The following PCDHGA6 variants were observed in gnomAD, a reference collection of about 807,000 sequenced individuals.
PCDHGA6 encodes the protein protocadherin gamma-A6.
A neutral mutation model predicts 60.6 loss-of-function variants in PCDHGA6; 41 were observed. The observed-to-expected ratio is 0.68, with a 90% CI of 0.53 to 0.88. The LOEUF is 0.88. PCDHGA6 is among the 40% of genes least tolerant of loss of function. PCDHGA6 has a pLI of 0.00. For synonymous variants in PCDHGA6, 594 were observed against 524.4 expected (o/e 1.13, Z -1.81); for missense variants, 1,312 against 1,203.0 (o/e 1.09, Z -1.34).
At chr5:141,478,137 G>C (rs762316494) in intron 1 of PCDHGA6, 1 of 1,613,872 alleles carries the variant, frequency 6.2e-7, no homozygotes, top group South Asian at 1.1e-5. Context: ...CCTGAAGCCC[G>C]AGCCGAGTTC....
At chr5:141,507,450 CAG>C (rs940460926) in intron 3 of PCDHGA6, among the ~76,000 whole-genome samples, 3 of 152,168 alleles carry the variant, frequency 2.0e-5, no homozygotes, top group African/African-American at 7.2e-5. Flanking sequence ...GACGGAAGGA[CAG>C]AGAGAGAGGT....
intron 1 of PCDHGA6, chr5:141,384,186 T>A: frequency 6.2e-7 from 1 of 1,613,730 alleles, no homozygotes; most frequent in Non-Finnish European, 8.5e-7. Flanking sequence ...ATGGTGGAAC[T>A]CCTCCCTTGT....
rs140199351 is a variant in PCDHGA6, at chr5:141,465,921, G to C, written c.2425-28886G>C. Among the ~76,000 whole-genome samples, 1,515 of 152,146 alleles carry C rather than the reference G, an allele frequency of 1.0e-2. 24 individuals carry two copies. The highest frequency in any genetic ancestry group is 0.034 in the African/African-American group (1,400 of 41,520). On this transcript the variant is annotated intron_variant, in intron 1 of 3. Transcript: ENST00000517434. ...GCAAATCACGAGGTCAGGATTTCGA[G>C]TCCATCCTGGCTAACATGGTGAAAC...
At chr5:141,429,770 A>T (rs2097244120) in intron 1 of PCDHGA6, among the ~76,000 whole-genome samples, 1 of 152,122 alleles carries the variant, frequency 6.6e-6, no homozygotes, top group Admixed American at 6.6e-5. Context: ...CTATATTTTG[A>T]TGGGCTTCCA....
At chr5:141,478,740 C>T (rs2099474176) in intron 1 of PCDHGA6, 7 of 1,531,524 alleles carry the variant, frequency 4.6e-6, no homozygotes, top group Non-Finnish European at 6.2e-6. Flanking sequence ...GGTTTGTGGT[C>T]CCATTTCAGG....
At chr5:141,469,415 A>C (rs2099200751) in intron 1 of PCDHGA6, among the ~76,000 whole-genome samples, 1 of 152,116 alleles carries the variant, frequency 6.6e-6, no homozygotes, top group Admixed American at 6.5e-5. Flanking sequence ...TTTCTACTAA[A>C]AATATAAAAC....
intron 1 of PCDHGA6, chr5:141,378,750 G>T (rs1388712170): frequency 1.3e-5 from 2 of 152,084 alleles, no homozygotes; most frequent in African/African-American, 4.8e-5. Flanking sequence ...CAAGAAAAAA[G>T]GGATTATCAT....
At chr5:141,390,373 ATT>A in intron 1 of PCDHGA6, 3 of 1,481,208 alleles carry the variant, frequency 2.0e-6, no homozygotes, top group Non-Finnish European at 2.8e-6. Flanking sequence ...AAAATATATA[ATT>A]TTTAGATGTC....
At chr5:141,404,248 G>A in intron 1 of PCDHGA6, 2 of 1,613,812 alleles carry the variant, frequency 1.2e-6, no homozygotes, top group African/African-American at 2.7e-5. Flanking sequence ...CTCCGCCCCT[G>A]TCCACAGAAA....
At chr5:141,395,224 C>G (rs1442627118) in intron 1 of PCDHGA6, 1 of 1,610,586 alleles carries the variant, frequency 6.2e-7, no homozygotes, top group Admixed American at 1.7e-5. Context: ...AAGAATGAAG[C>G]TGATCATGGT....
At chr5:141,427,883 C>T (rs2097084423) in intron 1 of PCDHGA6, 2 of 1,563,700 alleles carry the variant, frequency 1.3e-6, no homozygotes, top group African/African-American at 1.3e-5. Context: ...TGCAGGCCCA[C>T]GACCAGGGCT....
rs1222347266 is a variant in PCDHGA6 at position 141,374,693 on chromosome 5, G to A, written c.610G>A (p.Gly204Arg). 1 of 1,609,316 alleles carries A rather than the reference G, an allele frequency of 6.2e-7. No individual in the cohort carries two copies. The highest frequency in any genetic ancestry group is 8.5e-7 in the Non-Finnish European group (1 of 1,177,682). ...GCTGGAGGGCACACTGGACCGGGAAGGAGAAGCCGTTTACCGCCTGGTCCT... is the reference window on the plus strand; with the variant it reads ...GCTGGAGGGCACACTGGACCGGGAAAGAGAAGCCGTTTACCGCCTGGTCCT... ...LVLEGTLDRE[G>R]EAVYRLVLTA... is the part of the protein sequence containing the mutation. The change falls in exon 1 of 4, where the codon GGA (glycine) becomes AGA (arginine). Residue 204 changes from glycine (G) to arginine (R), a missense_variant. By Grantham distance (125) the Gly-to-Arg change is moderately radical (BLOSUM62 -2). Coordinates refer to ENST00000517434, the MANE Select transcript of PCDHGA6 (RefSeq NM_018919.3).
chr5:141,389,569 A>T, intron 1 of PCDHGA6: 2 of 1,613,182 alleles, frequency 1.2e-6, no homozygotes, highest in Non-Finnish European at 1.7e-6. Context: ...CGGGTGCTGT[A>T]CCCCGCGCTG....
At chr5:141,430,743 T>C in intron 1 of PCDHGA6, 1 of 1,498,372 alleles carries the variant, frequency 6.7e-7, no homozygotes, top group Non-Finnish European at 8.9e-7. Flanking sequence ...TGAAAATAAT[T>C]CTGGAGGAAG....
intron 1 of PCDHGA6, among the ~76,000 whole-genome samples, chr5:141,442,633 C>A (rs1210890820): frequency 6.6e-6 from 1 of 152,158 alleles, no homozygotes; most frequent in Admixed American, 6.5e-5. Flanking sequence ...AGCAGCAAGA[C>A]CAAAGGCCTA....
chr5:141,417,285 A>C (rs913143514), intron 1 of PCDHGA6: 2 of 152,254 alleles, frequency 1.3e-5, no homozygotes, highest in African/African-American at 4.8e-5. Flanking sequence ...AAGGAACAAG[A>C]ATGACTGCCT....
At position 141,432,587 on chromosome 5, in the gene PCDHGA6, A is replaced by G. The variant is rs1344597432; in HGVS notation, c.2424+56080A>G. 5 of 1,613,132 alleles carry G rather than the reference A, an allele frequency of 3.1e-6. No homozygotes were observed. In the East Asian group the frequency reaches 8.9e-5, roughly 29 times the overall value. ...CGCCTGGCTGTCCTACCGTCTGCTC[A>G]AGGCCAGCGAGCCGGGACTCTTCTC... On this transcript the variant is annotated intron_variant, in intron 1 of 3. Transcript: ENST00000517434. This position sits in a 1 kb window ranked among gnomAD's most constrained non-coding sequence, Gnocchi z 6.0.
Position 141,375,707 on chromosome 5 carries a change from C to G in PCDHGA6, c.1624C>G (p.Leu542Val). ...VTASDSGDPP[L>V]SSNVSLSLFV... ...AGCCAGCGACAGCGGGGACCCGCCT[C>G]TTAGCAGCAACGTGTCACTGAGCCT... Residue 542 changes from leucine (L) to valine (V), a missense_variant, in exon 1 of 4, where the codon CTT (leucine) becomes GTT (valine). By Grantham distance (32) the Leu-to-Val change is conservative (BLOSUM62 1). Transcript: ENST00000517434. 6.2e-7 allele frequency: 1 copy of G among 1,614,264 alleles called. No individual in the cohort carries two copies. The highest frequency in any genetic ancestry group is 8.5e-7 in the Non-Finnish European group (1 of 1,180,044).
At chr5:141,484,872 G>T in intron 1 of PCDHGA6, 1 of 319,608 alleles carries the variant, frequency 3.1e-6, no homozygotes, top group Non-Finnish European at 5.8e-6. Context: ...GGAGCGTGGA[G>T]GATAGGGTGG....
Sources: allele counts gnomAD v4.1 joint callset (sites outside exome capture counted in the v4.1 genomes callset), GRCh38; gene constraint gnomAD v4.1.1; non-coding constraint Gnocchi (gnomAD v3.1); transcripts MANE v1.5; gene names NCBI Gene and HGNC (gene_info 2026-07-23, HGNC 2026-07-21).